SNTB2: variants seen among roughly 807,000 people sequenced by gnomAD.
The protein encoded by SNTB2 is syntrophin beta 2, also known as beta-2-syntrophin.
SNTB2 carries 34 observed loss-of-function variants against 46.2 expected under a neutral mutation model. The observed-to-expected ratio is 0.74, with a 90% confidence interval of 0.56 to 0.98. The LOEUF (loss-of-function observed/expected upper bound fraction) is 0.98. SNTB2 is among the 50% of genes least tolerant of loss of function. The pLI, the probability that SNTB2 is intolerant of heterozygous loss-of-function variation, is 0.00. For synonymous variants in SNTB2, 290 were observed against 312.6 expected (o/e 0.93, Z 0.76); for missense variants, 603 against 731.4 (o/e 0.82, Z 2.02).
At chr16:69,187,773 G>GGGGGGGGGGGGGGGCC in intron 1 of SNTB2, 27 bp downstream of exon 1, 1 of 331,854 alleles carries the variant, frequency 3.0e-6, no homozygotes, top group Non-Finnish European at 5.5e-6. Flanking sequence ...GGGAGGGTGG[G>GGGGGGGGGGGGGGGCC]CAGGCCGCGG....
chr16:69,235,607 G>C, intron 1 of SNTB2: 2 of 1,106,870 alleles, frequency 1.8e-6, no homozygotes, highest in Non-Finnish European at 2.3e-6. Context: ...CTAAAAGGAA[G>C]GGAAAGGAAG....
intron 1 of SNTB2, among the ~76,000 whole-genome samples, chr16:69,221,770 T>G (rs1964407763): frequency 6.6e-6 from 1 of 152,064 alleles, no homozygotes; most frequent in Non-Finnish European, 1.5e-5. Context: ...AATAAGACTC[T>G]CTCTCAAAAA....
chr16:69,203,172 C>A (rs993652732), intron 1 of SNTB2, among the ~76,000 whole-genome samples: 39 of 152,082 alleles, frequency 2.6e-4, no homozygotes, highest in African/African-American at 9.4e-4. Context: ...CGCCCACCAC[C>A]ACGCCTGGCT....
At chr16:69,242,881 C>T (rs1379785753) in intron 1 of SNTB2, among the ~76,000 whole-genome samples, 1 of 151,928 alleles carries the variant, frequency 6.6e-6, no homozygotes, top group Non-Finnish European at 1.5e-5. Flanking sequence ...ATTAGCCGGG[C>T]GTGGTGGCGG....
intron 1 of SNTB2, among the ~76,000 whole-genome samples, chr16:69,220,571 A>C (rs1374914249): frequency 6.6e-6 from 1 of 151,576 alleles, no homozygotes; most frequent in Admixed American, 6.6e-5. Context: ...TCTGTCACCC[A>C]AGCTGGAGTG....
chr16:69,233,937 C>T (rs1261552706), intron 1 of SNTB2, among the ~76,000 whole-genome samples: 3 of 151,948 alleles, frequency 2.0e-5, no homozygotes, highest in Non-Finnish European at 2.9e-5. Flanking sequence ...TGATTGTGCC[C>T]CTGCAGTCCC....
intron 1 of SNTB2, among the ~76,000 whole-genome samples, chr16:69,239,689 C>T (rs1471972270): frequency 6.6e-6 from 1 of 152,082 alleles, no homozygotes; most frequent in Admixed American, 6.6e-5. Flanking sequence ...GGCTTACAGG[C>T]GTGCACCACT....
At chr16:69,237,606 T>TC (rs199959499) in intron 1 of SNTB2, among the ~76,000 whole-genome samples, 10,019 of 137,834 alleles carry the variant, frequency 0.073, 315 homozygotes, top group African/African-American at 0.1. Flanking sequence ...TTTCTTTCTT[T>TC]TTTTTTTTTT....
chr16:69,299,884 T>C (rs1965262756), intron 6 of SNTB2, 110 bp downstream of exon 6: 10 of 1,220,602 alleles, frequency 8.2e-6, no homozygotes, highest in Non-Finnish European at 1.1e-5. Context: ...TTTAGAACCA[T>C]GAAATTTTAA....
At position 69,214,211 on chromosome 16, in the gene SNTB2, A is replaced by G. The variant is rs201251091; in HGVS notation, c.580+26465A>G. Reference sequence around the variant, plus strand: ...AGTGGTGTGATCTCGGCTCACTGCAACCTCCATCTCTCAGGTTCAAGTGAT... The same window carrying G: ...AGTGGTGTGATCTCGGCTCACTGCAGCCTCCATCTCTCAGGTTCAAGTGAT... On this transcript the variant is annotated intron_variant, in intron 1 of 6. Coordinates refer to ENST00000336278, the MANE Select transcript of SNTB2 (RefSeq NM_006750.4). Among the ~76,000 whole-genome samples the G allele has an allele frequency of 3.9e-4, 57 of 146,998 alleles. 4 individuals are homozygous for G. In the East Asian group the frequency reaches 6.4e-3, roughly 17 times the overall value.
chr16:69,279,860 A>T (rs145882472), intron 4 of SNTB2, among the ~76,000 whole-genome samples: 8,029 of 143,764 alleles, frequency 0.056, 269 homozygotes, highest in South Asian at 0.074. Context: ...TTAATTAATT[A>T]ATTAATTAAT....
intron 2 of SNTB2, among the ~76,000 whole-genome samples, chr16:69,252,176 T>C (rs978594958): frequency 6.6e-6 from 1 of 152,208 alleles, no homozygotes. Context: ...ACCCTTTTTT[T>C]CTGCTTTACT....
At chr16:69,265,082 T>C (rs547136622) in intron 3 of SNTB2, among the ~76,000 whole-genome samples, 65 of 152,234 alleles carry the variant, frequency 4.3e-4, no homozygotes, top group African/African-American at 1.5e-3. Flanking sequence ...ACCTTGTCTC[T>C]ACTAAAAATA....
At position 69,256,514 on chromosome 16, in the gene SNTB2, C is replaced by G. The variant is rs1027662065; in HGVS notation, c.795-3536C>G. On this transcript the variant is annotated intron_variant, in intron 2 of 6. Transcript: ENST00000336278. Reference sequence around the variant, plus strand: ...CCCTTCCTTCAGCTCCTGGCACTTACCATTCTGCTTTCTGTGAGTTTGCTC... The same window carrying G: ...CCCTTCCTTCAGCTCCTGGCACTTAGCATTCTGCTTTCTGTGAGTTTGCTC... Among the ~76,000 whole-genome samples, 76 of 152,288 alleles carry G rather than the reference C, an allele frequency of 5.0e-4. 1 individual carries two copies. Among genetic ancestry groups the G allele is most frequent in the African/African-American group, 1.8e-3 (73 of 41,560 alleles).
chr16:69,299,581 C>G lies in SNTB2; in HGVS notation c.1346-9C>G. 6.2e-7 allele frequency: 1 copy of G among 1,604,490 alleles called. No homozygotes were observed. Among genetic ancestry groups the G allele is most frequent in the Non-Finnish European group, 8.5e-7 (1 of 1,175,834 alleles). ...TTTACAACTAATGTTTTTTGCTTTTCTTCAACAGGCTGCATGTTAAATGGC... is the reference window on the plus strand; with the variant it reads ...TTTACAACTAATGTTTTTTGCTTTTGTTCAACAGGCTGCATGTTAAATGGC... On this transcript the variant is annotated splice_polypyrimidine_tract_variant and intron_variant, in intron 5 of 6. Transcript: ENST00000336278.
At chr16:69,270,567 TA>T (rs1315983158) in intron 4 of SNTB2, among the ~76,000 whole-genome samples, 3 of 152,182 alleles carry the variant, frequency 2.0e-5, no homozygotes, top group Non-Finnish European at 4.4e-5. Flanking sequence ...TCATGAAGAT[TA>T]TAGGGTTTTT....
intron 1 of SNTB2, among the ~76,000 whole-genome samples, chr16:69,221,769 C>G (rs770825472): frequency 7.9e-5 from 12 of 151,956 alleles, no homozygotes; most frequent in African/African-American, 2.4e-4. Context: ...GAATAAGACT[C>G]TCTCTCAAAA....
Position 69,187,420 on chromosome 16 carries a change from G to A in SNTB2, c.254G>A (p.Gly85Glu), listed in dbSNP as rs1173648688. 16 of 1,219,958 alleles carry A rather than the reference G, an allele frequency of 1.3e-5. No homozygotes were observed. Among genetic ancestry groups the A allele is most frequent in the Non-Finnish European group, 1.5e-5 (15 of 982,416 alleles). The allele number at this position is 1,219,958 out of a possible 1,614,324, so 75.6% of individuals were successfully genotyped here. ...GGCGGCGCGGGCGACTCGCTGCCCG[G>A]GAGCCCAAGCCGCGGCCTGGGGCCC... ...NGGGAGDSLP[G>E]SPSRGLGPPS... is the part of the protein sequence containing the mutation. The change falls in exon 1 of 7, where the codon GGG becomes GAG. Residue 85 changes from glycine (G) to glutamate (E), a missense_variant. By Grantham distance (98) the Gly-to-Glu change is moderately conservative (BLOSUM62 -2). Transcript: ENST00000336278.
At chr16:69,263,270 C>T (rs1964853798) in intron 3 of SNTB2, among the ~76,000 whole-genome samples, 2 of 152,014 alleles carry the variant, frequency 1.3e-5, no homozygotes, top group South Asian at 4.1e-4. Context: ...CCACACCAAG[C>T]TAATTTTAAA....
Sources: allele counts gnomAD v4.1 joint callset (sites outside exome capture counted in the v4.1 genomes callset), GRCh38; gene constraint gnomAD v4.1.1; transcripts MANE v1.5; gene names NCBI Gene and HGNC (gene_info 2026-07-23, HGNC 2026-07-21).